Variants in NFIB observed in about 807,000 individuals in gnomAD.
NFIB encodes nuclear factor 1 B-type.
NFIB carries 11 observed loss-of-function variants against 61.5 expected under a neutral mutation model. The ratio of observed to expected loss-of-function variants is 0.18; its 90% confidence interval spans 0.11 to 0.30. NFIB has a LOEUF of 0.30. NFIB is among the 10% of genes least tolerant of loss of function. NFIB has a pLI of 1.00. For missense variants in NFIB, 471 were observed against 608.9 expected, an observed-to-expected ratio of 0.77 and a Z score of 2.38; for synonymous variants, 260 against 216.5, an observed-to-expected ratio of 1.20 and a Z score of -1.76.
intron 1 of NFIB, among the ~76,000 whole-genome samples, chr9:14,328,443 G>A (rs2060781096): frequency 6.6e-6 from 1 of 152,048 alleles, no homozygotes; most frequent in African/African-American, 2.4e-5. Flanking sequence ...GCCATGGCAT[G>A]GGGCCCTGAG....
At chr9:14,173,928 G>A (rs573961262) in intron 3 of NFIB, among the ~76,000 whole-genome samples, 64 of 152,134 alleles carry the variant, frequency 4.2e-4, no homozygotes, top group Non-Finnish European at 6.8e-4. Context: ...CAACTGCTAT[G>A]TAGATCAACC....
intron 2 of NFIB, among the ~76,000 whole-genome samples, chr9:14,267,859 G>A (rs555668150): frequency 8.3e-4 from 126 of 152,270 alleles, no homozygotes; most frequent in African/African-American, 7.9e-4. Flanking sequence ...AGGGCTGGGC[G>A]CAGTGGCTCA....
At chr9:14,496,959 G>C in the NFIB span, among the ~76,000 whole-genome samples, 1 of 152,170 alleles carries the variant, frequency 6.6e-6, no homozygotes, top group Non-Finnish European at 1.5e-5. Flanking sequence ...CACCAAATCA[G>C]AAAGGCTTAG....
At chr9:14,418,265 C>A in the NFIB span, among the ~76,000 whole-genome samples, 1 of 152,176 alleles carries the variant, frequency 6.6e-6, no homozygotes, top group East Asian at 1.9e-4. Context: ...CTCCTTTGAG[C>A]AGCGAAAAAA....
rs142648299 is a variant in NFIB at position 14,156,881 on chromosome 9, T to C, written c.617-988A>G. The stretch of plus-strand genomic sequence containing the variant: ...ACAAACAAAACTAGATTCTAAGAAC[T>C]GGCAATTTGACTGGATTTTACATAA... On this transcript the variant is annotated intron_variant, in intron 3 of 10. Coordinates refer to ENST00000380953, the MANE Select transcript of NFIB (RefSeq NM_001190737.2). Among the ~76,000 whole-genome samples the C allele has an allele frequency of 3.1e-3, 478 of 152,272 alleles. 2 individuals are homozygous for C. The highest frequency in any genetic ancestry group is 0.011 in the African/African-American group (465 of 41,550).
chr9:14,497,596 T>G, the NFIB span, among the ~76,000 whole-genome samples: 1 of 152,210 alleles, frequency 6.6e-6, no homozygotes, highest in African/African-American at 2.4e-5. Flanking sequence ...AATGAGGCAC[T>G]TTACAAATTG....
chr9:14,220,868 C>CACAA (rs1489031142), intron 2 of NFIB, among the ~76,000 whole-genome samples: 1 of 151,318 alleles, frequency 6.6e-6, no homozygotes. Context: ...CACACACACA[C>CACAA]ACACACACAC....
chr9:14,130,722 G>C (rs1217316230), intron 6 of NFIB, among the ~76,000 whole-genome samples: 1 of 152,052 alleles, frequency 6.6e-6, no homozygotes, highest in Admixed American at 6.6e-5. Context: ...AGGTAAAGCA[G>C]GCACCGTGTC....
At chr9:14,184,237 C>G (rs1265965534) in intron 2 of NFIB, among the ~76,000 whole-genome samples, 2 of 152,198 alleles carry the variant, frequency 1.3e-5, no homozygotes, top group African/African-American at 2.4e-5. Flanking sequence ...CCTATTCAGA[C>G]ACAATACTTC....
At chr9:14,157,554 T>A (rs967657696) in intron 3 of NFIB, among the ~76,000 whole-genome samples, 1 of 152,214 alleles carries the variant, frequency 6.6e-6, no homozygotes, top group Non-Finnish European at 1.5e-5. Flanking sequence ...CCCAATTTAA[T>A]GCACTTCTAT....
At chr9:14,154,020 T>C (rs1426219564) in intron 4 of NFIB, among the ~76,000 whole-genome samples, 1 of 152,130 alleles carries the variant, frequency 6.6e-6, no homozygotes, top group Admixed American at 6.6e-5. Flanking sequence ...AACCTAAAAG[T>C]TTCTAGGATA....
At chr9:14,351,442 A>G (rs923807804) in intron 1 of NFIB, among the ~76,000 whole-genome samples, 2 of 152,132 alleles carry the variant, frequency 1.3e-5, no homozygotes, top group Non-Finnish European at 2.9e-5. Flanking sequence ...TGGACCTTGA[A>G]TCACACCCCT....
At chr9:14,297,743 TA>T (rs1329892467) in intron 2 of NFIB, among the ~76,000 whole-genome samples, 2 of 152,194 alleles carry the variant, frequency 1.3e-5, no homozygotes, top group African/African-American at 2.4e-5. Flanking sequence ...TCTAATAATT[TA>T]AAAATAAAAT....
intron 2 of NFIB, among the ~76,000 whole-genome samples, chr9:14,243,947 T>G (rs1288426334): frequency 6.6e-6 from 1 of 152,196 alleles, no homozygotes; most frequent in African/African-American, 2.4e-5. Context: ...TCTGGTTTCA[T>G]GGAAATTACC....
intron 10 of NFIB, among the ~76,000 whole-genome samples, chr9:14,097,433 GA>G: frequency 6.6e-6 from 1 of 152,068 alleles, no homozygotes. Flanking sequence ...GGAACTCCAG[GA>G]ACAACCCAGC....
intron 2 of NFIB, among the ~76,000 whole-genome samples, chr9:14,221,921 G>T (rs904203707): frequency 7.9e-5 from 12 of 152,232 alleles, no homozygotes; most frequent in Admixed American, 5.9e-4. Flanking sequence ...TTAAATGAGG[G>T]TGTTAGAAAA....
chr9:14,217,318 AAGATATACAT>A (rs2131793105), intron 2 of NFIB, among the ~76,000 whole-genome samples: 2 of 152,330 alleles, frequency 1.3e-5, no homozygotes, highest in African/African-American at 4.8e-5. Context: ...ACCAAAAGAT[AAGATATACAT>A]TATCTAATTA....
In NFIB at chr9:14,083,479, T is replaced by TA. The variant is rs33918801; in HGVS notation, c.*4829dup. 0.21 allele frequency: 27,988 copies of TA among 134,576 alleles called. 3,003 individuals are homozygous for TA. The highest frequency in any genetic ancestry group is 0.3 in the African/African-American group (9,124 of 30,516). The allele number at this position is 134,576 out of a possible 1,614,324, so 8.3% of individuals were successfully genotyped here. On this transcript the variant is annotated 3_prime_UTR_variant, in exon 11 of 11. Coordinates refer to ENST00000380953, the MANE Select transcript of NFIB (RefSeq NM_001190737.2). ...TATTGAACTTGAATAGCCTGCACAT[T>TA]AAAAAAAAAAAAAAAAAAAAAGTTT... is the stretch of plus-strand genomic sequence containing the variant.
In NFIB at chr9:14,088,821, C is replaced by A. The variant is rs549878183; in HGVS notation, c.1468-495G>T. ...TTGGGTTGAATACAATTGAAAAGTA[C>A]GGTGAAAGATATTTCTTTTCTCCTT... On this transcript the variant is annotated intron_variant, in intron 10 of 10. Transcript: ENST00000380953. Among the ~76,000 whole-genome samples the A allele has an allele frequency of 2.0e-5, 3 of 151,940 alleles. No individual in the cohort carries two copies. The East Asian group carries it at 5.8e-4, about 29-fold the overall frequency.
Sources: gnomAD v4.1 joint callset for allele counts (sites outside exome capture counted in the v4.1 genomes callset) on GRCh38, gnomAD v4.1.1 for gene constraint, MANE v1.5 for transcripts, NCBI Gene and HGNC (gene_info 2026-07-23, HGNC 2026-07-21) for gene names.